The following RPRD2 variants were observed in gnomAD, a reference collection of about 807,000 sequenced individuals.
RPRD2 encodes regulation of nuclear pre-mRNA domain containing 2.
In RPRD2, 12 loss-of-function variants were observed where a neutral mutation model predicts 104.4. The observed-to-expected ratio is 0.11, with a 90% CI of 0.07 to 0.19. The LOEUF (loss-of-function observed/expected upper bound fraction) is 0.19. RPRD2 is among the 10% of genes least tolerant of loss of function. The probability of loss-of-function intolerance (pLI) is 1.00; values close to 1 mark genes in which losing one functional copy is unlikely to be tolerated. For synonymous variants in RPRD2, 714 were observed against 684.9 expected, an observed-to-expected ratio of 1.04 and a Z score of -0.66; for missense variants, 1,543 against 1,790.1, an observed-to-expected ratio of 0.86 and a Z score of 2.49.
At chr1:150,393,061 TAG>T (rs1487227083) in intron 1 of RPRD2, among the ~76,000 whole-genome samples, 1 of 152,150 alleles carries the variant, frequency 6.6e-6, no homozygotes, top group Non-Finnish European at 1.5e-5. Flanking sequence ...TGTGGCTATA[TAG>T]AGAGACATAT....
rs1385906070 is a variant in RPRD2 at position 150,445,511 on chromosome 1, G to A, written c.695-715G>A. On this transcript the variant is annotated intron_variant, in intron 6 of 10. Transcript: ENST00000369068. Reference sequence around the variant, plus strand: ...TGAACGTTACTTTTCTCGTTTAAGAGATAACATCTTACTACCTTCTGTAAT... The same window carrying A: ...TGAACGTTACTTTTCTCGTTTAAGAAATAACATCTTACTACCTTCTGTAAT... Among the ~76,000 whole-genome samples the A allele has an allele frequency of 3.3e-5, 5 of 152,188 alleles. 1 individual carries two copies. The highest frequency in any genetic ancestry group is 1.2e-4 in the African/African-American group (5 of 41,446).
chr1:150,392,459 C>A (rs1036151719), intron 1 of RPRD2, among the ~76,000 whole-genome samples: 24 of 152,096 alleles, frequency 1.6e-4, no homozygotes, highest in African/African-American at 5.8e-4. Flanking sequence ...GAGCTGAGAT[C>A]GCGCCACTGC....
chr1:150,382,229 A>G (rs1661190681), intron 1 of RPRD2, among the ~76,000 whole-genome samples: 1 of 152,072 alleles, frequency 6.6e-6, no homozygotes, highest in Admixed American at 6.5e-5. Context: ...GCCCTTTCTT[A>G]TTAATATTAG....
intron 1 of RPRD2, among the ~76,000 whole-genome samples, chr1:150,397,557 G>C (rs1019060271): frequency 6.6e-6 from 1 of 152,090 alleles, no homozygotes; most frequent in East Asian, 1.9e-4. Flanking sequence ...CATGTAAATG[G>C]AGTGATGTAA....
chr1:150,377,459 G>T (rs587690209), intron 1 of RPRD2, among the ~76,000 whole-genome samples: 28 of 152,026 alleles, frequency 1.8e-4, no homozygotes, highest in Non-Finnish European at 3.5e-4. Context: ...TTAGCCAGGC[G>T]TGGTGGCGGG....
chr1:150,459,320 C>T (rs938455892), intron 8 of RPRD2, among the ~76,000 whole-genome samples: 5 of 152,142 alleles, frequency 3.3e-5, no homozygotes, highest in Non-Finnish European at 7.3e-5. Context: ...TTGCACCCCC[C>T]AATAGGGCAA....
At chr1:150,380,382 C>T (rs2102127400) in intron 1 of RPRD2, among the ~76,000 whole-genome samples, 1 of 151,958 alleles carries the variant, frequency 6.6e-6, no homozygotes, top group Non-Finnish European at 1.5e-5. Context: ...ATTCTCTTAT[C>T]ATATTACCCT....
At chr1:150,367,721 T>C (rs1204544359) in intron 1 of RPRD2, among the ~76,000 whole-genome samples, 2 of 152,010 alleles carry the variant, frequency 1.3e-5, no homozygotes, top group African/African-American at 4.8e-5. Flanking sequence ...TATTTTATCC[T>C]TCTTTACTTT....
chr1:150,465,574 C>A (rs1174546471), intron 10 of RPRD2, among the ~76,000 whole-genome samples: 2 of 152,090 alleles, frequency 1.3e-5, no homozygotes, highest in African/African-American at 4.8e-5. Flanking sequence ...GGTCACATAC[C>A]TATCTGTCTA....
intron 1 of RPRD2, among the ~76,000 whole-genome samples, chr1:150,411,803 A>C (rs1416891909): frequency 6.8e-5 from 5 of 74,048 alleles, no homozygotes; most frequent in East Asian, 3.5e-4. Context: ...AAAAAAAAAA[A>C]AAAAAAAAAA....
intron 4 of RPRD2, 40 bp from the exon 5 acceptor site, chr1:150,443,189 TTG>T (rs782204188): frequency 2.6e-5 from 39 of 1,506,200 alleles, no homozygotes; most frequent in Non-Finnish European, 3.5e-5. Flanking sequence ...AGTCAACTTT[TTG>T]TGTCTGTATT....
chr1:150,423,792 ATT>A (rs151188685), intron 2 of RPRD2, among the ~76,000 whole-genome samples: 12,327 of 145,492 alleles, frequency 0.085, 641 homozygotes, highest in Non-Finnish European at 0.12. Flanking sequence ...CTGAAAACAA[ATT>A]TTTTTTTTTT....
intron 1 of RPRD2, among the ~76,000 whole-genome samples, chr1:150,416,872 CAA>C (rs782463847): frequency 1.4e-5 from 1 of 72,422 alleles, no homozygotes; most frequent in African/African-American, 5.0e-5. Context: ...ACTCCATCTC[CAA>C]AAAAAAAAAA....
chr1:150,414,504 A>G (rs1664191822), intron 1 of RPRD2, among the ~76,000 whole-genome samples: 1 of 152,178 alleles, frequency 6.6e-6, no homozygotes, highest in Non-Finnish European at 1.5e-5. Flanking sequence ...ATCAACATTT[A>G]AATGAGGATG....
intron 3 of RPRD2, 23 bp from the exon 4 acceptor site, chr1:150,441,858 G>A (rs1553894529): frequency 1.3e-6 from 2 of 1,595,614 alleles, no homozygotes; most frequent in Non-Finnish European, 1.7e-6. Context: ...ATGCCAGATT[G>A]CAAAAACTGA....
At chr1:150,393,589 A>G (rs1444149138) in intron 1 of RPRD2, among the ~76,000 whole-genome samples, 3 of 152,020 alleles carry the variant, frequency 2.0e-5, no homozygotes, top group African/African-American at 4.8e-5. Flanking sequence ...ATTATAGATT[A>G]TTACTTTATT....
Position 150,470,594 on chromosome 1 carries a change from A to G in RPRD2, c.1646A>G (p.Asn549Ser). 6.2e-7 allele frequency: 1 copy of G among 1,613,696 alleles called. No homozygotes were observed. The highest frequency in any genetic ancestry group is 8.5e-7 in the Non-Finnish European group (1 of 1,179,760). Residue 549 changes from asparagine (N) to serine (S), a missense_variant, in exon 11 of 11, where the codon AAC becomes AGC. Asn to Ser is a conservative substitution (Grantham distance 46, BLOSUM62 1). Coordinates refer to ENST00000369068, the MANE Select transcript of RPRD2 (RefSeq NM_015203.5). ...LSSLLQSVTG[N>S]PVPASEAASQ... is the part of the protein sequence containing the mutation. ...TCTTTACTTCAGAGTGTTACTGGGA[A>G]CCCAGTTCCAGCCAGTGAAGCTGCC...
intron 1 of RPRD2, among the ~76,000 whole-genome samples, chr1:150,402,512 T>TAC (rs1266288612): frequency 6.6e-6 from 1 of 151,988 alleles, no homozygotes; most frequent in Non-Finnish European, 1.5e-5. Flanking sequence ...ACCTTCTCTC[T>TAC]ACACAAAAAT....
At chr1:150,436,181 A>G (rs587755284) in intron 2 of RPRD2, among the ~76,000 whole-genome samples, 1 of 152,164 alleles carries the variant, frequency 6.6e-6, no homozygotes, top group African/African-American at 2.4e-5. Context: ...GTTCATTGAC[A>G]ATGCACCCAG....
Sources: allele counts gnomAD v4.1 joint callset (sites outside exome capture counted in the v4.1 genomes callset), GRCh38; gene constraint gnomAD v4.1.1; transcripts MANE v1.5; gene names NCBI Gene and HGNC (gene_info 2026-07-23, HGNC 2026-07-21).